PPP3CA: variants seen among roughly 807,000 people sequenced by gnomAD.
PPP3CA encodes the protein protein phosphatase 3 catalytic subunit alpha.
Under a neutral mutation model 66.5 loss-of-function variants are expected in PPP3CA, and 14 were observed. That is an observed-to-expected ratio of 0.21 (90% CI 0.14 to 0.33). The LOEUF is 0.33. Ranked by LOEUF, PPP3CA falls within the 10% of genes least tolerant of loss-of-function variation. The probability of loss-of-function intolerance (pLI) is 1.00; values close to 1 mark genes in which losing one functional copy is unlikely to be tolerated. For synonymous variants in PPP3CA, 232 were observed against 226.2 expected (o/e 1.03, Z -0.23); for missense variants, 317 against 639.5 (o/e 0.50, Z 5.44).
chr4:101,032,205 G>T (rs754720187), intron 12 of PPP3CA, 62 bp downstream of exon 12: 128 of 1,235,842 alleles, frequency 1.0e-4, no homozygotes, highest in Non-Finnish European at 1.3e-4. Context: ...ATAAATCAGG[G>T]CTCTAATGAC....
rs112430656 is a variant in PPP3CA, at chr4:101,038,347, T to C, written c.1241+2135A>G. Among the ~76,000 whole-genome samples, 1,335 of 152,168 alleles carry C rather than the reference T, an allele frequency of 8.8e-3. 9 individuals are homozygous for C. The highest frequency in any genetic ancestry group is 0.036 in the South Asian group (173 of 4,814). ...TGCCACAGCAGGGTATCTATTCATGTAGTTATTTAGCACACACTTTTTTTT... is the reference window on the plus strand; with the variant it reads ...TGCCACAGCAGGGTATCTATTCATGCAGTTATTTAGCACACACTTTTTTTT... On this transcript the variant is annotated intron_variant, in intron 11 of 13. Coordinates refer to ENST00000394854, the MANE Select transcript of PPP3CA (RefSeq NM_000944.5).
At position 101,040,466 on chromosome 4, in the gene PPP3CA, G is replaced by A. The variant is rs1474309746; in HGVS notation, c.1241+16C>T. 6.4e-7 allele frequency: 1 copy of A among 1,566,236 alleles called. No homozygotes were observed. Among genetic ancestry groups the A allele is most frequent in the Non-Finnish European group, 8.7e-7 (1 of 1,152,738 alleles). On this transcript the variant is annotated intron_variant, in intron 11 of 13. Transcript: ENST00000394854. Reference sequence around the variant, plus strand: ...TAATACAATTTGAAACAAAAACAGAGTACGAATGCACCCACCTGAGCACTG... The same window carrying A: ...TAATACAATTTGAAACAAAAACAGAATACGAATGCACCCACCTGAGCACTG...
intron 2 of PPP3CA, among the ~76,000 whole-genome samples, chr4:101,174,390 T>C (rs941538384): frequency 2.0e-5 from 3 of 152,160 alleles, no homozygotes; most frequent in Admixed American, 6.6e-5. Flanking sequence ...TTCACTAAAG[T>C]GCAATGACTT....
intron 2 of PPP3CA, among the ~76,000 whole-genome samples, chr4:101,155,311 G>GATGAATGCATGAA (rs1242376757): frequency 1.3e-5 from 2 of 152,160 alleles, no homozygotes; most frequent in Non-Finnish European, 2.9e-5. Flanking sequence ...TAAAAGAGTA[G>GATGAATGCATGAA]ATGAATGCAT....
chr4:101,346,631 G>C (rs1235514340), intron 1 of PPP3CA, 108 bp downstream of exon 1: 5 of 963,910 alleles, frequency 5.2e-6, no homozygotes, highest in Non-Finnish European at 8.0e-6. Context: ...GGCTGGAGCG[G>C]ACAGAGGAGA....
chr4:101,276,836 A>G (rs766532431), intron 1 of PPP3CA, among the ~76,000 whole-genome samples: 4 of 152,180 alleles, frequency 2.6e-5, no homozygotes, highest in African/African-American at 9.6e-5. Context: ...TTAGTACTGT[A>G]TATTTGTTGA....
chr4:101,312,517 T>C lies in PPP3CA; in HGVS notation c.58+34222A>G, dbSNP rs753527167. On this transcript the variant is annotated intron_variant, in intron 1 of 13. Coordinates refer to ENST00000394854, the MANE Select transcript of PPP3CA (RefSeq NM_000944.5). Reference sequence around the variant, plus strand: ...AAAATAAATAAAATACCTAGAATCATCTTTTTACATTCTTACAGAACATTC... The same window carrying C: ...AAAATAAATAAAATACCTAGAATCACCTTTTTACATTCTTACAGAACATTC... Among the ~76,000 whole-genome samples, 9 of 152,058 alleles carry C rather than the reference T, an allele frequency of 5.9e-5. 1 individual carries two copies. The highest frequency in any genetic ancestry group is 5.2e-4 in the Admixed American group (8 of 15,284).
At chr4:101,250,797 T>A (rs1726649977) in intron 1 of PPP3CA, among the ~76,000 whole-genome samples, 2 of 152,084 alleles carry the variant, frequency 1.3e-5, no homozygotes, top group Admixed American at 1.3e-4. Context: ...ATAGGTTTAA[T>A]AAGCAAGTGT....
intron 2 of PPP3CA, among the ~76,000 whole-genome samples, chr4:101,121,710 G>A (rs1040655066): frequency 1.3e-5 from 2 of 151,958 alleles, no homozygotes; most frequent in African/African-American, 2.4e-5. Flanking sequence ...GAACTTGTTG[G>A]GAAGATAAGC....
At chr4:101,272,669 G>T (rs528318878) in intron 1 of PPP3CA, among the ~76,000 whole-genome samples, 1 of 152,114 alleles carries the variant, frequency 6.6e-6, no homozygotes, top group Non-Finnish European at 1.5e-5. Context: ...GGACAATAAT[G>T]TTATCTACCT....
intron 2 of PPP3CA, among the ~76,000 whole-genome samples, chr4:101,109,593 A>G (rs1283806370): frequency 6.7e-6 from 1 of 149,926 alleles, no homozygotes; most frequent in African/African-American, 2.4e-5. Context: ...TAAAACCTGC[A>G]TTTCACTGAA....
chr4:101,175,434 A>C (rs1560641306), intron 2 of PPP3CA, among the ~76,000 whole-genome samples: 2 of 152,174 alleles, frequency 1.3e-5, no homozygotes, highest in Non-Finnish European at 2.9e-5. Context: ...AGTTGAAGTG[A>C]TTTGCTCCAA....
At chr4:101,057,697 G>C (rs1578409171) in intron 10 of PPP3CA, among the ~76,000 whole-genome samples, 1 of 152,272 alleles carries the variant, frequency 6.6e-6, no homozygotes, top group Middle Eastern at 3.4e-3. Context: ...GGTAAATGTA[G>C]AACCTAATAT....
intron 8 of PPP3CA, among the ~76,000 whole-genome samples, chr4:101,068,640 G>A (rs1728783540): frequency 6.6e-6 from 1 of 152,032 alleles, no homozygotes; most frequent in Non-Finnish European, 1.5e-5. Flanking sequence ...TAGCATTCAT[G>A]AACACAGTCT....
At chr4:101,256,989 G>C (rs1181050306) in intron 1 of PPP3CA, among the ~76,000 whole-genome samples, 1 of 151,984 alleles carries the variant, frequency 6.6e-6, no homozygotes, top group African/African-American at 2.4e-5. Context: ...AACTTCGCCA[G>C]GGTTGCCCAA....
chr4:101,091,986 C>T (rs1269278980), intron 6 of PPP3CA, among the ~76,000 whole-genome samples: 1 of 151,832 alleles, frequency 6.6e-6, no homozygotes, highest in Non-Finnish European at 1.5e-5. Flanking sequence ...TTCACATAAG[C>T]TGTATGTATA....
intron 10 of PPP3CA, among the ~76,000 whole-genome samples, chr4:101,043,251 G>C (rs1186901812): frequency 2.6e-5 from 4 of 152,138 alleles, no homozygotes; most frequent in African/African-American, 9.6e-5. Context: ...GAAGATTTCT[G>C]ATAAAAAACT....
intron 1 of PPP3CA, among the ~76,000 whole-genome samples, chr4:101,309,034 G>A (rs978440824): frequency 2.0e-5 from 3 of 152,098 alleles, no homozygotes; most frequent in Non-Finnish European, 4.4e-5. Context: ...GGCTGAGGCA[G>A]AAGAATCACT....
chr4:101,295,943 T>C (rs1245000571), intron 1 of PPP3CA, among the ~76,000 whole-genome samples: 2 of 152,236 alleles, frequency 1.3e-5, no homozygotes, highest in Non-Finnish European at 2.9e-5. Context: ...ATAAACTTCT[T>C]TGGAACTGTA....
Sources: gnomAD v4.1 joint callset for allele counts (sites outside exome capture counted in the v4.1 genomes callset) on GRCh38, gnomAD v4.1.1 for gene constraint, MANE v1.5 for transcripts, NCBI Gene and HGNC (gene_info 2026-07-23, HGNC 2026-07-21) for gene names.